MUC5B: variants seen among roughly 807,000 people sequenced by gnomAD.
MUC5B encodes mucin 5B, oligomeric mucus/gel-forming, also known as mucin-5B.
Under a neutral mutation model 376.9 loss-of-function variants are expected in MUC5B, and 116 were observed. That is an observed-to-expected ratio of 0.31 (90% CI 0.26 to 0.36). The LOEUF is 0.36. MUC5B is among the 10% of genes least tolerant of loss of function. The probability of loss-of-function intolerance (pLI) is 1.00; values close to 1 mark genes in which losing one functional copy is unlikely to be tolerated. For missense variants in MUC5B, 7,165 were observed against 7,769.9 expected, an observed-to-expected ratio of 0.92 and a Z score of 2.93; for synonymous variants, 3,517 against 3,390.9, an observed-to-expected ratio of 1.04 and a Z score of -1.29.
At chr11:1,226,929 C>A in intron 4 of MUC5B, 53 bp downstream of exon 4, 1 of 1,588,570 alleles carries the variant, frequency 6.3e-7, no homozygotes, top group Non-Finnish European at 8.6e-7. Context: ...AGTGTGACCT[C>A]CCCACACGGC....
rs957837015 is a variant in MUC5B, at chr11:1,231,579, C to G, written c.1678+19C>G. ...ATGTGCGGTGAGGCTGGGCAGGGGC[C>G]TTCGGGGACAGGGCCATTGGGGACG... On this transcript the variant is annotated intron_variant, in intron 14 of 48. Transcript: ENST00000529681. 17 of 1,554,840 alleles carry G rather than the reference C, an allele frequency of 1.1e-5. No individual in the cohort carries two copies. The Admixed American group carries it at 1.9e-4, about 18-fold the overall frequency.
chr11:1,227,445 A>C, intron 6 of MUC5B, 47 bp downstream of exon 6: 1 of 1,435,336 alleles, frequency 7.0e-7, no homozygotes, highest in Non-Finnish European at 9.7e-7. Flanking sequence ...ATGTCGGCCA[A>C]CGAAGAGCCA....
At chr11:1,227,616 C>A in intron 6 of MUC5B, 59 bp from the exon 7 acceptor site, 1 of 701,032 alleles carries the variant, frequency 1.4e-6, no homozygotes, top group Non-Finnish European at 2.7e-6. Context: ...AAGTGGGAGC[C>A]CATATCTTGT....
In MUC5B at chr11:1,240,350, C is replaced by A; in HGVS notation, c.3945C>A (p.Thr1315=). The change falls in exon 30 of 49, where the codon ACC becomes ACA. Residue 1315 remains threonine (T), a synonymous_variant. Coordinates refer to ENST00000529681, the MANE Select transcript of MUC5B (RefSeq NM_002458.3). ...CCACAACGCCATTCACCTTCACCAC[C>A]GCCTGGGTCCCCCACTCCACGACAA... The part of the protein sequence containing the change: ...TPATTPFTFT[T]AWVPHSTTSP... The A allele has an allele frequency of 6.2e-7, 1 of 1,604,240 alleles. No homozygotes were observed. The highest frequency in any genetic ancestry group is 8.5e-7 in the Non-Finnish European group (1 of 1,173,016).
At chr11:1,227,471 C>A in intron 6 of MUC5B, 73 bp downstream of exon 6, 1 of 1,224,922 alleles carries the variant, frequency 8.2e-7, no homozygotes, top group Middle Eastern at 2.1e-4. Flanking sequence ...CCGGGGAGGC[C>A]GGGAGGGGGC....
rs143220428 is a variant in MUC5B at position 1,238,861 on chromosome 11, T to C, written c.3298-10T>C. On this transcript the variant is annotated splice_polypyrimidine_tract_variant and intron_variant, in intron 25 of 48. Transcript: ENST00000529681. ...GTCCCGGCTGAGCTGCACCTTGGCC[T>C]CACCCGCAGGTTGACTCCACCAAGT... 2 of 1,549,178 alleles carry C rather than the reference T, an allele frequency of 1.3e-6. No individual in the cohort carries two copies. Among genetic ancestry groups the C allele is most frequent in the Non-Finnish European group, 1.7e-6 (2 of 1,144,924 alleles).
chr11:1,259,667 A>C (rs1862945508), intron 44 of MUC5B, 89 bp from the exon 45 acceptor site: 3 of 1,369,292 alleles, frequency 2.2e-6, no homozygotes, highest in African/African-American at 1.4e-5. Flanking sequence ...GGGGTCCTGG[A>C]CCACTGGGGT....
At position 1,258,432 on chromosome 11, in the gene MUC5B, GCTCT is replaced by G. The variant is rs545434158; in HGVS notation, c.16593+68_16593+71del. The G allele has an allele frequency of 3.1e-4, 488 of 1,568,872 alleles. No individual in the cohort carries two copies. In the African/African-American group the frequency reaches 5.8e-3, roughly 18 times the overall value. On this transcript the variant is annotated intron_variant, in intron 43 of 48. Coordinates refer to ENST00000529681, the MANE Select transcript of MUC5B (RefSeq NM_002458.3). The surrounding 1 kb of genome is among the most constrained non-coding windows in gnomAD (Gnocchi z 5.5). ...GAACATGTGTGTGGGATGCCCCGGG[GCTCT>G]CTGAGCCCCACTCCTTGTCTTGACA...
chr11:1,236,338 C>T (rs755481595), intron 23 of MUC5B, 48 bp from the exon 24 acceptor site: 1 of 1,563,196 alleles, frequency 6.4e-7, no homozygotes, highest in Admixed American at 1.8e-5. Context: ...CAGGCCCCTC[C>T]CTGGGGGCCA....
Position 1,230,478 on chromosome 11 carries a change from C to T in MUC5B, c.1360-12C>T. 6 of 1,592,226 alleles carry T rather than the reference C, an allele frequency of 3.8e-6. No homozygotes were observed. Among genetic ancestry groups the T allele is most frequent in the Non-Finnish European group, 5.1e-6 (6 of 1,168,062 alleles). ...AGCCAGGCCCAATGCACGCGTGGGT[C>T]CTTCTCCCCAGAAATGTGCCGACAG... is the stretch of plus-strand genomic sequence containing the variant. On this transcript the variant is annotated splice_polypyrimidine_tract_variant and intron_variant, in intron 11 of 48. Transcript: ENST00000529681.
In MUC5B at chr11:1,239,164, T is replaced by C. The variant is rs1156887403; in HGVS notation, c.3454+137T>C. ...CAACACGCATGTGCCTCCATGTGAG[T>C]GCACAAGTTTCTATGCACAGAGGAA... is the stretch of plus-strand genomic sequence containing the variant. On this transcript the variant is annotated intron_variant, in intron 26 of 48. Coordinates refer to ENST00000529681, the MANE Select transcript of MUC5B (RefSeq NM_002458.3). 2.6e-6 allele frequency: 3 copies of C among 1,135,086 alleles called. No individual in the cohort carries two copies. The Admixed American group carries it at 6.1e-5, about 23-fold the overall frequency. 70.3% of individuals were successfully genotyped at this position (1,135,086 alleles called of 1,614,324 possible).
At chr11:1,260,296 A>G (rs1862965249) in intron 46 of MUC5B, 55 bp from the exon 47 acceptor site, 1 of 1,561,606 alleles carries the variant, frequency 6.4e-7, no homozygotes, top group Non-Finnish European at 8.8e-7. Context: ...AGGAGGCCGC[A>G]CCCACCAGGG....
Position 1,232,099 on chromosome 11 carries a change from G to C in MUC5B, c.1782G>C (p.Gln594His). 1 of 1,612,786 alleles carries C rather than the reference G, an allele frequency of 6.2e-7. No homozygotes were observed. Among genetic ancestry groups the C allele is most frequent in the Non-Finnish European group, 8.5e-7 (1 of 1,179,768 alleles). Residue 594 changes from glutamine (Q) to histidine (H), a missense_variant, in exon 15 of 49, where the codon CAG becomes CAC. Transcript: ENST00000529681. ...GAAFANTWKA[Q>H]AACANARNSF... ...CCTTCGCCAACACCTGGAAGGCCCA[G>C]GCTGCCTGTGCCAATGCCAGGAACA...
Position 1,252,817 on chromosome 11 carries a change from G to A in MUC5B, c.15054G>A (p.Glu5018=), listed in dbSNP as rs756486058. ...DNAIPLRQVN[E]TWTLENCTVA... is the part of the protein sequence containing the mutation. ...CATGTTCCCTGCCCCAGGTGAATGA[G>A]ACCTGGACCCTGGAGAACTGCACGG... Residue 5018 remains glutamate (E), a synonymous_variant, in exon 33 of 49, where the codon GAG becomes GAA. Coordinates refer to ENST00000529681, the MANE Select transcript of MUC5B (RefSeq NM_002458.3). 2 of 1,608,340 alleles carry A rather than the reference G, an allele frequency of 1.2e-6. No individual in the cohort carries two copies. Among genetic ancestry groups the A allele is most frequent in the South Asian group, 2.2e-5 (2 of 90,110 alleles).
chr11:1,233,823 G>C lies in MUC5B; in HGVS notation c.2352G>C (p.Leu784=), dbSNP rs1434754280. 6 of 1,605,538 alleles carry C rather than the reference G, an allele frequency of 3.7e-6. No individual in the cohort carries two copies. Among genetic ancestry groups the C allele is most frequent in the Non-Finnish European group, 5.1e-6 (6 of 1,176,676 alleles). ...CSCTGGKLSC[L]GASLQKSTGC... ...GTACGGGTGGGAAGCTAAGCTGCCT[G>C]GGAGCCTCTCTGCAGAAAAGCACAG... Residue 784 remains leucine (L), a synonymous_variant, in exon 19 of 49, where the codon CTG becomes CTC. Coordinates refer to ENST00000529681, the MANE Select transcript of MUC5B (RefSeq NM_002458.3).
At position 1,249,461 on chromosome 11, in the gene MUC5B, G is replaced by C. The variant is rs201822010; in HGVS notation, c.12581G>C (p.Ser4194Thr). The change falls in exon 31 of 49, where the codon AGC becomes ACC. Residue 4194 changes from serine (S) to threonine (T), a missense_variant. Coordinates refer to ENST00000529681, the MANE Select transcript of MUC5B (RefSeq NM_002458.3). Reference protein sequence around the residue: ...LGELGQVVECSLDFGLVCRNR... With the variant: ...LGELGQVVECTLDFGLVCRNR... ...GAGTTGGGCCAGGTCGTGGAATGCA[G>C]CCTGGACTTTGGCCTGGTCTGCAGG... 1.2e-3 allele frequency: 1,911 copies of C among 1,611,462 alleles called. 4 individuals carry two copies. The highest frequency in any genetic ancestry group is 1.5e-3 in the Non-Finnish European group (1,736 of 1,179,650).
rs1419438222 is a variant in MUC5B, at chr11:1,232,719, G to A, written c.2014G>A (p.Ala672Thr). The change falls in exon 17 of 49, where the codon GCC becomes ACC. Residue 672 changes from alanine (A) to threonine (T), a missense_variant. By Grantham distance (58) the Ala-to-Thr change is moderately conservative. Around this residue, in one of 31 missense-constraint regions of MUC5B, gnomAD observed 530 missense variants for 604.0 expected, o/e 0.88. Coordinates refer to ENST00000529681, the MANE Select transcript of MUC5B (RefSeq NM_002458.3). The stretch of plus-strand genomic sequence containing the variant: ...CGCCGCGCTGTCCTCCTATGTGCAC[G>A]CCTGTGCCGCCAAGGGCGTACAGCT... ...LCAALSSYVH[A>T]CAAKGVQLSD... 7 of 1,600,084 alleles carry A rather than the reference G, an allele frequency of 4.4e-6. No individual in the cohort carries two copies. The highest frequency in any genetic ancestry group is 6.0e-6 in the Non-Finnish European group (7 of 1,174,234).
Position 1,236,927 on chromosome 11 carries a change from C to T in MUC5B, c.3060C>T (p.Gly1020=). 1.4e-6 allele frequency: 2 copies of T among 1,451,938 alleles called. No homozygotes were observed. The highest frequency in any genetic ancestry group is 2.5e-5 in the Admixed American group (1 of 39,650). 89.9% of individuals were successfully genotyped at this position (1,451,938 alleles called of 1,614,324 possible). A position where few individuals can be genotyped will look rare whatever the true frequency, so the allele number is the denominator to read the frequency against. The change falls in exon 25 of 49, where the codon GGC becomes GGT. Residue 1020 remains glycine, a splice_region_variant and synonymous_variant. Coordinates refer to ENST00000529681, the MANE Select transcript of MUC5B (RefSeq NM_002458.3). ...CCACTCTCTCGCTGCCTCTGCAGGG[C>T]AGGGTCTGCGGCCTGTGCGGGAACT... ...VFIRLHQDYK[G]RVCGLCGNFD...
chr11:1,228,475 C>G (rs766044397), intron 7 of MUC5B, 89 bp from the exon 8 acceptor site: 10 of 1,290,052 alleles, frequency 7.8e-6, no homozygotes, highest in Non-Finnish European at 1.0e-5. Context: ...GAGGGCTTCC[C>G]GGCCTGGCCT....
Sources: allele counts gnomAD v4.1 joint callset, GRCh38; gene constraint gnomAD v4.1.1; regional missense constraint gnomAD v4.1.1; non-coding constraint Gnocchi (gnomAD v3.1); transcripts MANE v1.5; gene names NCBI Gene and HGNC (gene_info 2026-07-23, HGNC 2026-07-21).